KLRG1: variants seen among roughly 807,000 people sequenced by gnomAD.
The protein encoded by KLRG1 is killer cell lectin like receptor G1, also known as killer cell lectin-like receptor subfamily G member 1.
KLRG1 carries 16 observed loss-of-function variants against 21.8 expected under a neutral mutation model. The observed-to-expected ratio is 0.73, with a 90% CI of 0.50 to 1.11. KLRG1 has a LOEUF of 1.11. Among genes scored for constraint, KLRG1 ranks in the 50% most tolerant of loss-of-function variants. KLRG1 has a pLI of 0.00. For synonymous variants in KLRG1, 69 were observed against 75.9 expected, an observed-to-expected ratio of 0.91 and a Z score of 0.47; for missense variants, 173 against 218.3, an observed-to-expected ratio of 0.79 and a Z score of 1.31.
the KLRG1 span, among the ~76,000 whole-genome samples, chr12:9,078,757 G>GCT: frequency 6.6e-6 from 1 of 152,168 alleles, no homozygotes. Flanking sequence ...CTCACATGCA[G>GCT]CTCTTACATG....
intron 1 of KLRG1, among the ~76,000 whole-genome samples, chr12:8,950,409 A>C (rs1341585845): frequency 1.3e-5 from 2 of 152,192 alleles, no homozygotes; most frequent in African/African-American, 4.8e-5. Context: ...GCCTTTGCTA[A>C]GATCTTTTGT....
chr12:9,205,852 AT>A, the KLRG1 span, among the ~76,000 whole-genome samples: 1 of 152,202 alleles, frequency 6.6e-6, no homozygotes, highest in Non-Finnish European at 1.5e-5. Context: ...TCCAAGGATA[AT>A]TGAGTTGTGG....
At chr12:9,023,500 G>A in the KLRG1 span, among the ~76,000 whole-genome samples, 1 of 151,996 alleles carries the variant, frequency 6.6e-6, no homozygotes, top group African/African-American at 2.4e-5. Context: ...AATTCTTCTA[G>A]AAATTTTATA....
At chr12:9,101,789 T>A in the KLRG1 span, 119,854 of 838,696 alleles carry the variant, frequency 0.14, 9,352 homozygotes, top group African/African-American at 0.22. Context: ...AAATCTTTTG[T>A]TCCACAATGA....
At chr12:9,107,758 C>T in the KLRG1 span, 1 of 1,249,038 alleles carries the variant, frequency 8.0e-7, no homozygotes, top group Admixed American at 2.0e-5. Flanking sequence ...CTTCCCTCTG[C>T]TCTCTGCTGG....
At chr12:9,017,922 G>T in the KLRG1 span, among the ~76,000 whole-genome samples, 1 of 152,102 alleles carries the variant, frequency 6.6e-6, no homozygotes, top group Non-Finnish European at 1.5e-5. Flanking sequence ...GAAGTTGCAG[G>T]ATACAAAATC....
the KLRG1 span, among the ~76,000 whole-genome samples, chr12:9,059,998 T>TTC: frequency 3.3e-5 from 4 of 120,880 alleles, 1 homozygote; most frequent in African/African-American, 1.1e-4. Context: ...CCTGGCATCT[T>TTC]TTTTTTTTTT....
the KLRG1 span, chr12:9,052,756 T>G: frequency 2.4e-6 from 1 of 421,784 alleles, no homozygotes; most frequent in Non-Finnish European, 4.6e-6. Context: ...GTTTCTGAAC[T>G]TCTCCAAACT....
At chr12:8,953,697 G>A (rs1347658490) in intron 1 of KLRG1, among the ~76,000 whole-genome samples, 2 of 151,920 alleles carry the variant, frequency 1.3e-5, no homozygotes, top group African/African-American at 4.8e-5. Context: ...TATCAATCAG[G>A]GTCCATTCAG....
the KLRG1 span, among the ~76,000 whole-genome samples, chr12:9,102,154 T>G: frequency 3.3e-5 from 5 of 152,328 alleles, no homozygotes; most frequent in East Asian, 9.6e-4. Context: ...AGCATTGGTT[T>G]AAGAGCTGAG....
At chr12:9,057,511 T>A in the KLRG1 span, 1 of 152,414 alleles carries the variant, frequency 6.6e-6, no homozygotes, top group East Asian at 1.9e-4. Context: ...TAAATCTATA[T>A]AAAGTAAAAA....
chr12:9,136,442 T>C, the KLRG1 span, among the ~76,000 whole-genome samples: 1 of 152,192 alleles, frequency 6.6e-6, no homozygotes, highest in African/African-American at 2.4e-5. Context: ...TTTCTATATT[T>C]TGGATGAGAA....
the KLRG1 span, among the ~76,000 whole-genome samples, chr12:9,045,867 G>T: frequency 1.3e-5 from 2 of 152,124 alleles, no homozygotes; most frequent in Non-Finnish European, 2.9e-5. Flanking sequence ...GCCATAAAAA[G>T]GGATGAGATC....
chr12:8,959,837 T>C (rs909240218), intron 1 of KLRG1, among the ~76,000 whole-genome samples: 1 of 152,256 alleles, frequency 6.6e-6, no homozygotes, highest in Non-Finnish European at 1.5e-5. Context: ...TGTGAATGTT[T>C]ACTGGTAGTA....
intron 1 of KLRG1, among the ~76,000 whole-genome samples, chr12:8,983,236 T>A (rs896157039): frequency 1.3e-5 from 2 of 152,088 alleles, no homozygotes; most frequent in Non-Finnish European, 2.9e-5. Flanking sequence ...TAGTGATACT[T>A]ATTTTCTAAG....
At chr12:9,075,355 T>C in the KLRG1 span, among the ~76,000 whole-genome samples, 13 of 152,352 alleles carry the variant, frequency 8.5e-5, no homozygotes, top group African/African-American at 3.1e-4. Flanking sequence ...TCAGTCATTA[T>C]GCTTCTCAAA....
the KLRG1 span, among the ~76,000 whole-genome samples, chr12:9,073,572 A>T: frequency 6.6e-6 from 1 of 152,222 alleles, no homozygotes; most frequent in Non-Finnish European, 1.5e-5. Flanking sequence ...CATTCATATG[A>T]TAAAAGATTA....
At chr12:9,053,920 AT>A in the KLRG1 span, among the ~76,000 whole-genome samples, 543 of 152,286 alleles carry the variant, frequency 3.6e-3, 3 homozygotes, top group African/African-American at 0.012. Context: ...TGATGAATTC[AT>A]TCTCCTTACC....
chr12:9,031,424 G>A, the KLRG1 span, among the ~76,000 whole-genome samples: 2 of 152,130 alleles, frequency 1.3e-5, no homozygotes, highest in Non-Finnish European at 2.9e-5. Context: ...GGACTTACCC[G>A]TTCCACCGGG....
Sources: allele counts gnomAD v4.1 joint callset (sites outside exome capture counted in the v4.1 genomes callset), GRCh38; gene constraint gnomAD v4.1.1; transcripts MANE v1.5; gene names NCBI Gene and HGNC (gene_info 2026-07-23, HGNC 2026-07-21).